EXOC4: variants seen among roughly 807,000 people sequenced by gnomAD.
The protein encoded by EXOC4 is SEC8-like 1.
A neutral mutation model predicts 107.2 loss-of-function variants in EXOC4; 71 were observed. That is an observed-to-expected ratio of 0.66 (90% CI 0.55 to 0.81). The LOEUF is 0.81. EXOC4 is among the 30% of genes least tolerant of loss of function. EXOC4 has a pLI of 0.00. For missense variants in EXOC4, 1,108 were observed against 1,189.6 expected, an observed-to-expected ratio of 0.93 and a Z score of 1.01; for synonymous variants, 456 against 441.2, an observed-to-expected ratio of 1.03 and a Z score of -0.42.
At chr7:133,327,275 C>T (rs181282249) in intron 5 of EXOC4, among the ~76,000 whole-genome samples, 1 of 152,368 alleles carries the variant, frequency 6.6e-6, no homozygotes, top group Non-Finnish European at 1.5e-5. Flanking sequence ...GTTGGAAATG[C>T]AGAAATCACC....
chr7:133,346,414 A>C (rs937604031), intron 5 of EXOC4, among the ~76,000 whole-genome samples: 1 of 152,242 alleles, frequency 6.6e-6, no homozygotes, highest in African/African-American at 2.4e-5. Context: ...TGTTATTCTC[A>C]ATCTTGAGTC....
chr7:133,990,116 C>G (rs1488868715), intron 14 of EXOC4, among the ~76,000 whole-genome samples: 1 of 152,074 alleles, frequency 6.6e-6, no homozygotes, highest in Non-Finnish European at 1.5e-5. Context: ...AAACATTTAT[C>G]TTTTCTTTAT....
intron 10 of EXOC4, among the ~76,000 whole-genome samples, chr7:133,647,931 T>C (rs1347530516): frequency 6.6e-6 from 1 of 152,128 alleles, no homozygotes; most frequent in Non-Finnish European, 1.5e-5. Context: ...CAGGTCAAGA[T>C]GAGCTCCTCA....
intron 11 of EXOC4, among the ~76,000 whole-genome samples, chr7:133,877,925 T>A (rs1246518926): frequency 6.6e-6 from 1 of 152,180 alleles, no homozygotes; most frequent in Admixed American, 6.5e-5. Context: ...AGGTCCCTTC[T>A]TCCTGCATCA....
chr7:133,483,210 G>A (rs748805395), intron 9 of EXOC4, among the ~76,000 whole-genome samples: 9 of 152,152 alleles, frequency 5.9e-5, no homozygotes, highest in Admixed American at 3.9e-4. Context: ...GGACAGTTAG[G>A]ATCTAAAATA....
chr7:134,050,601 A>T (rs1795761717), intron 17 of EXOC4, among the ~76,000 whole-genome samples: 1 of 152,200 alleles, frequency 6.6e-6, no homozygotes, highest in African/African-American at 2.4e-5. Context: ...AGGGTAGAGG[A>T]TTTAGCGATT....
intron 7 of EXOC4, among the ~76,000 whole-genome samples, chr7:133,388,099 C>A (rs1261369856): frequency 1.3e-5 from 2 of 151,860 alleles, no homozygotes; most frequent in Non-Finnish European, 2.9e-5. Flanking sequence ...AAGCCACGGG[C>A]TGCGATTATA....
At chr7:133,376,394 C>G (rs1249724312) in intron 7 of EXOC4, among the ~76,000 whole-genome samples, 1 of 151,934 alleles carries the variant, frequency 6.6e-6, no homozygotes, top group Non-Finnish European at 1.5e-5. Context: ...CCTTTCGTAT[C>G]CATGTTTAAG....
chr7:133,590,337 T>C (rs1936045543), intron 9 of EXOC4, among the ~76,000 whole-genome samples: 2 of 152,110 alleles, frequency 1.3e-5, no homozygotes, highest in African/African-American at 4.8e-5. Context: ...ACACCTAGGA[T>C]GGAGTGCAGT....
intron 9 of EXOC4, among the ~76,000 whole-genome samples, chr7:133,497,769 G>C (rs1799505709): frequency 1.3e-5 from 2 of 151,988 alleles, no homozygotes; most frequent in African/African-American, 4.8e-5. Flanking sequence ...ATCGAACCCT[G>C]GTCTCCCGCG....
chr7:133,324,357 C>A (rs569562292), intron 5 of EXOC4, among the ~76,000 whole-genome samples: 7 of 152,236 alleles, frequency 4.6e-5, no homozygotes, highest in South Asian at 2.1e-4. Context: ...TAGTGCTATA[C>A]ATTTCCCTCT....
intron 11 of EXOC4, among the ~76,000 whole-genome samples, chr7:133,889,376 T>C (rs971445368): frequency 6.6e-6 from 1 of 151,316 alleles, no homozygotes; most frequent in Non-Finnish European, 1.5e-5. Flanking sequence ...ATTTCTTTTT[T>C]TTTTTTCAGA....
chr7:133,616,556 C>G (rs1330580496), intron 9 of EXOC4, among the ~76,000 whole-genome samples: 3 of 152,060 alleles, frequency 2.0e-5, no homozygotes, highest in African/African-American at 7.2e-5. Context: ...TAAAATTGCA[C>G]AGACCTGTCA....
At chr7:133,313,921 T>C (rs927995427) in intron 4 of EXOC4, among the ~76,000 whole-genome samples, 8 of 152,218 alleles carry the variant, frequency 5.3e-5, no homozygotes, top group African/African-American at 1.4e-4. Flanking sequence ...CAGGGATTAC[T>C]GTACATCAGC....
chr7:133,556,903 C>A (rs546566621), intron 9 of EXOC4, among the ~76,000 whole-genome samples: 52 of 152,264 alleles, frequency 3.4e-4, no homozygotes, highest in Non-Finnish European at 5.7e-4. Context: ...GGGACAGGTC[C>A]GTGCCTGGGG....
At chr7:134,052,111 T>C (rs981572238) in intron 17 of EXOC4, among the ~76,000 whole-genome samples, 3 of 152,180 alleles carry the variant, frequency 2.0e-5, no homozygotes, top group African/African-American at 4.8e-5. Flanking sequence ...TGACGACCCT[T>C]TTCATAGACA....
chr7:133,863,666 C>A (rs943738023), intron 11 of EXOC4, among the ~76,000 whole-genome samples: 10 of 152,278 alleles, frequency 6.6e-5, no homozygotes, highest in African/African-American at 2.4e-4. Flanking sequence ...TCTGTACTTA[C>A]AATTTATGCA....
chr7:133,856,757 A>G lies in EXOC4; in HGVS notation c.1735-38842A>G, dbSNP rs143196194. Among the ~76,000 whole-genome samples the G allele has an allele frequency of 2.4e-3, 364 of 152,144 alleles. 5 individuals carry two copies. Among genetic ancestry groups the G allele is most frequent in the African/African-American group, 8.2e-3 (339 of 41,496 alleles). On this transcript the variant is annotated intron_variant, in intron 11 of 17. Coordinates refer to ENST00000253861, the MANE Select transcript of EXOC4 (RefSeq NM_021807.4). ...GGCTTCTTGATGCCTCTTGGGCCCT[A>G]CTTGATAGGTTCTTATCTAAAGCCA...
chr7:134,094,286 T>C, the EXOC4 span, among the ~76,000 whole-genome samples: 1 of 152,124 alleles, frequency 6.6e-6, no homozygotes, highest in African/African-American at 2.4e-5. Flanking sequence ...TATGAACACC[T>C]CTACATACAC....
Sources: gnomAD v4.1 joint callset for allele counts (sites outside exome capture counted in the v4.1 genomes callset) on GRCh38, gnomAD v4.1.1 for gene constraint, MANE v1.5 for transcripts, NCBI Gene and HGNC (gene_info 2026-07-23, HGNC 2026-07-21) for gene names.